Variants in ZC3H12B observed in about 807,000 individuals in gnomAD.
The protein encoded by ZC3H12B is zinc finger CCCH-type containing 12B.
In ZC3H12B, 7 loss-of-function variants were observed where a neutral mutation model predicts 43.9. That is an observed-to-expected ratio of 0.16 (90% CI 0.09 to 0.30). The LOEUF (loss-of-function observed/expected upper bound fraction) is 0.30. Among genes scored for constraint, ZC3H12B ranks in the 10% least tolerant of loss-of-function variants. The pLI, the probability that ZC3H12B is intolerant of heterozygous loss-of-function variation, is 1.00. For missense variants in ZC3H12B, 475 were observed against 670.2 expected (o/e 0.71, Z 3.22); for synonymous variants, 222 against 241.7 (o/e 0.92, Z 0.76).
At chrX:65,201,725 A>T in the ZC3H12B span, among the ~76,000 whole-genome samples, 2 of 102,640 alleles carry the variant, frequency 1.9e-5, no homozygotes, top group Non-Finnish European at 4.0e-5. Context: ...AAGGTCCTTG[A>T]TATGGTTTAG....
chrX:65,220,479 C>G, the ZC3H12B span, among the ~76,000 whole-genome samples: 1 of 111,788 alleles, frequency 8.9e-6, no homozygotes, highest in Non-Finnish European at 1.9e-5. Flanking sequence ...CACATAAGGA[C>G]TCACATAAAT....
chrX:65,226,801 G>A, the ZC3H12B span, among the ~76,000 whole-genome samples: 2 of 111,612 alleles, frequency 1.8e-5, no homozygotes, highest in African/African-American at 3.3e-5. Context: ...TTACATAATG[G>A]TAAAGGGATC....
chrX:65,385,238 G>A (rs1437210522), intron 2 of ZC3H12B, among the ~76,000 whole-genome samples: 1 of 111,954 alleles, frequency 8.9e-6, no homozygotes, highest in East Asian at 2.8e-4. Flanking sequence ...ATTACCTTGG[G>A]CAGTATGGCC....
At chrX:65,348,189 C>A in the ZC3H12B span, among the ~76,000 whole-genome samples, 3 of 111,810 alleles carry the variant, frequency 2.7e-5, no homozygotes, top group African/African-American at 6.5e-5. Flanking sequence ...ATGTAACAAG[C>A]CTGCACGTTG....
At chrX:65,322,182 G>A in the ZC3H12B span, among the ~76,000 whole-genome samples, 6 of 111,348 alleles carry the variant, frequency 5.4e-5, no homozygotes, top group African/African-American at 2.0e-4. Context: ...AAGCAATAGA[G>A]ATGGGAGGGA....
chrX:65,289,856 A>T, the ZC3H12B span, among the ~76,000 whole-genome samples: 1 of 110,904 alleles, frequency 9.0e-6, no homozygotes, highest in Non-Finnish European at 1.9e-5. Flanking sequence ...AAGTTTAAAC[A>T]TAACACCCAA....
chrX:65,443,989 G>C (rs987578852), intron 3 of ZC3H12B, among the ~76,000 whole-genome samples: 4 of 112,261 alleles, frequency 3.6e-5, no homozygotes, highest in Non-Finnish European at 7.5e-5. Context: ...TGAAGAGTTT[G>C]CTCTATTTAT....
chrX:65,251,280 C>T, the ZC3H12B span, among the ~76,000 whole-genome samples: 2 of 111,325 alleles, frequency 1.8e-5, no homozygotes, highest in African/African-American at 6.5e-5. Flanking sequence ...GGGCTCTGTT[C>T]TGTTCCATTG....
chrX:65,162,277 G>A, the ZC3H12B span, among the ~76,000 whole-genome samples: 1 of 110,912 alleles, frequency 9.0e-6, no homozygotes, highest in African/African-American at 3.3e-5. Flanking sequence ...GTATTTTTGT[G>A]GTGTTCTCTG....
chrX:65,433,289 C>A (rs982457892), intron 3 of ZC3H12B, among the ~76,000 whole-genome samples: 1 of 112,329 alleles, frequency 8.9e-6, no homozygotes, highest in Non-Finnish European at 1.9e-5. Context: ...ACCACCCCTG[C>A]ATCTTTCAAG....
At chrX:65,181,216 C>G in the ZC3H12B span, among the ~76,000 whole-genome samples, 1 of 111,852 alleles carries the variant, frequency 8.9e-6, no homozygotes, top group South Asian at 3.7e-4. Context: ...AAAACTGAAA[C>G]TGGACCCCCT....
At chrX:65,493,903 G>A (rs1183597060) in intron 1 of ZC3H12B, among the ~76,000 whole-genome samples, 2 of 110,964 alleles carry the variant, frequency 1.8e-5, no homozygotes, top group Non-Finnish European at 3.8e-5. Flanking sequence ...AAATGTTTAG[G>A]GGCAATAAAC....
chrX:65,464,434 TATA>T (rs200767344), intron 3 of ZC3H12B, among the ~76,000 whole-genome samples: 13,740 of 110,946 alleles, frequency 0.12, 2,093 homozygotes, highest in African/African-American at 0.42. Flanking sequence ...AGCATTTCCA[TATA>T]ATAATTTTTA....
At chrX:65,329,532 G>T in the ZC3H12B span, among the ~76,000 whole-genome samples, 1 of 94,600 alleles carries the variant, frequency 1.1e-5, no homozygotes, top group Non-Finnish European at 1.9e-5. Context: ...TTCTTTTGCT[G>T]TGCAGAAGCT....
intron 2 of ZC3H12B, among the ~76,000 whole-genome samples, chrX:65,373,062 G>A (rs775561689): frequency 2.3e-4 from 26 of 111,835 alleles, no homozygotes; most frequent in Admixed American, 6.6e-4. Flanking sequence ...AAGGAAGAAA[G>A]AATAATGTAT....
chrX:65,243,523 A>T, the ZC3H12B span, among the ~76,000 whole-genome samples: 3 of 112,105 alleles, frequency 2.7e-5, no homozygotes, highest in Non-Finnish European at 3.8e-5. Flanking sequence ...TCTTTGTGGG[A>T]ATGTAAATTA....
exon 1 of ZC3H12B, chrX:65,488,956 A>G (rs2068165834): frequency 1.7e-6 from 2 of 1,211,131 alleles, no homozygotes; most frequent in Non-Finnish European, 2.2e-6. Flanking sequence ...ATAAGCCTTA[A>G]GAGTAGCGAC....
chrX:65,152,674 G>T, the ZC3H12B span, among the ~76,000 whole-genome samples: 1 of 111,261 alleles, frequency 9.0e-6, no homozygotes, highest in Non-Finnish European at 1.9e-5. Flanking sequence ...GTAATTTATA[G>T]ATTCAATGCC....
At chrX:65,181,899 T>C in the ZC3H12B span, among the ~76,000 whole-genome samples, 1 of 112,035 alleles carries the variant, frequency 8.9e-6, no homozygotes, top group African/African-American at 3.2e-5. Flanking sequence ...ATCTCATTAC[T>C]GTGTATATAC....
Sources: allele counts gnomAD v4.1 joint callset (sites outside exome capture counted in the v4.1 genomes callset), GRCh38; gene constraint gnomAD v4.1.1; transcripts MANE v1.5; gene names NCBI Gene and HGNC (gene_info 2026-07-23, HGNC 2026-07-21).